The following PCCA variants were observed in gnomAD, a reference collection of about 807,000 sequenced individuals.
PCCA encodes propionyl-CoA carboxylase alpha chain, mitochondrial.
Under a neutral mutation model 101.3 loss-of-function variants are expected in PCCA, and 74 were observed. The observed-to-expected ratio is 0.73, with a 90% CI of 0.61 to 0.89. The LOEUF is 0.89. PCCA is among the 40% of genes least tolerant of loss of function. The pLI, the probability that PCCA is intolerant of heterozygous loss-of-function variation, is 0.00. For synonymous variants in PCCA, 294 were observed against 313.6 expected, an observed-to-expected ratio of 0.94 and a Z score of 0.66; for missense variants, 891 against 907.0, an observed-to-expected ratio of 0.98 and a Z score of 0.23.
intron 6 of PCCA, among the ~76,000 whole-genome samples, chr13:100,183,860 G>A (rs116871555): frequency 0.039 from 5,956 of 152,210 alleles, 151 homozygotes; most frequent in Non-Finnish European, 0.057. Flanking sequence ...ATGCTTCAGG[G>A]GAGCATTCTG....
chr13:100,293,379 G>C, intron 12 of PCCA: 2 of 277,358 alleles, frequency 7.2e-6, no homozygotes, highest in Non-Finnish European at 1.5e-5. Context: ...ACTTGATTTT[G>C]CCCTTTGCCA....
intron 1 of PCCA, 68 bp downstream of exon 1, chr13:100,089,293 C>T (rs1047403097): frequency 6.5e-5 from 88 of 1,353,158 alleles, no homozygotes; most frequent in East Asian, 1.2e-4. Context: ...CTCTGGGCGG[C>T]TGGCGCCGGG....
intron 12 of PCCA, among the ~76,000 whole-genome samples, chr13:100,277,213 A>G (rs569382092): frequency 6.6e-6 from 1 of 152,226 alleles, no homozygotes; most frequent in Non-Finnish European, 1.5e-5. Context: ...GGTGCCCACT[A>G]AAAGTGGGGG....
intron 21 of PCCA, among the ~76,000 whole-genome samples, chr13:100,462,324 G>A (rs752992794): frequency 6.6e-6 from 1 of 152,138 alleles, no homozygotes; most frequent in Non-Finnish European, 1.5e-5. Flanking sequence ...TATTAGTATT[G>A]CAGTGTGATG....
chr13:100,307,686 T>C (rs903004643), intron 15 of PCCA, among the ~76,000 whole-genome samples: 2 of 152,212 alleles, frequency 1.3e-5, no homozygotes, highest in African/African-American at 4.8e-5. Flanking sequence ...TTTTTACAAA[T>C]TACCAATTAT....
intron 4 of PCCA, among the ~76,000 whole-genome samples, chr13:100,127,294 TAAG>T (rs1428659602): frequency 5.9e-5 from 9 of 152,202 alleles, no homozygotes; most frequent in Admixed American, 2.6e-4. Flanking sequence ...TATAAAACGT[TAAG>T]GAGATGTCTT....
At chr13:100,439,350 A>T (rs1195893490) in intron 20 of PCCA, among the ~76,000 whole-genome samples, 1 of 152,130 alleles carries the variant, frequency 6.6e-6, no homozygotes, top group East Asian at 1.9e-4. Context: ...AAAAATTACA[A>T]CCATTTTTAA....
At chr13:100,281,904 T>A (rs1459423370) in intron 12 of PCCA, among the ~76,000 whole-genome samples, 1 of 152,244 alleles carries the variant, frequency 6.6e-6, no homozygotes, top group Non-Finnish European at 1.5e-5. Flanking sequence ...AGAAGTAGAA[T>A]TGCTGGGAAT....
At chr13:100,478,459 A>T (rs1328411305) in intron 21 of PCCA, among the ~76,000 whole-genome samples, 1 of 151,958 alleles carries the variant, frequency 6.6e-6, no homozygotes, top group Non-Finnish European at 1.5e-5. Flanking sequence ...GGGAGGCCCC[A>T]CCCCTTCCCT....
chr13:100,329,130 T>G (rs1321367464), intron 16 of PCCA, among the ~76,000 whole-genome samples: 1 of 152,098 alleles, frequency 6.6e-6, no homozygotes, highest in Non-Finnish European at 1.5e-5. Context: ...TGGAATACAT[T>G]CTTAAATAAA....
intron 7 of PCCA, among the ~76,000 whole-genome samples, chr13:100,233,138 C>T (rs2060591214): frequency 6.6e-6 from 1 of 152,028 alleles, no homozygotes; most frequent in Admixed American, 6.6e-5. Context: ...GGATGACTTC[C>T]CAGGAGTAAA....
intron 21 of PCCA, among the ~76,000 whole-genome samples, chr13:100,501,590 C>G (rs924347728): frequency 5.3e-5 from 8 of 152,036 alleles, no homozygotes; most frequent in African/African-American, 1.9e-4. Context: ...ATGCAGACCC[C>G]AGGCCCAGTG....
intron 18 of PCCA, among the ~76,000 whole-genome samples, chr13:100,358,811 A>G (rs1344871244): frequency 1.3e-5 from 2 of 152,186 alleles, no homozygotes; most frequent in Non-Finnish European, 2.9e-5. Flanking sequence ...GTGTGCATTA[A>G]ACATGCTGTT....
chr13:100,341,989 A>ATT (rs2071430679), intron 18 of PCCA, among the ~76,000 whole-genome samples: 1 of 102,056 alleles, frequency 9.8e-6, no homozygotes, highest in African/African-American at 3.4e-5. Flanking sequence ...ATATGTATTT[A>ATT]TGTGTGTGTA....
chr13:100,186,722 G>A (rs575318103), intron 6 of PCCA, among the ~76,000 whole-genome samples: 9 of 130,684 alleles, frequency 6.9e-5, no homozygotes, highest in Admixed American at 5.8e-4. Context: ...GCCTGGGTGA[G>A]AGTGAGATTC....
At chr13:100,349,631 A>G (rs1219554744) in intron 18 of PCCA, among the ~76,000 whole-genome samples, 1 of 152,246 alleles carries the variant, frequency 6.6e-6, no homozygotes, top group Non-Finnish European at 1.5e-5. Flanking sequence ...AAGACTCAGA[A>G]AAAGAAACAA....
chr13:100,442,903 C>T (rs183628595), intron 20 of PCCA, among the ~76,000 whole-genome samples: 92 of 152,088 alleles, frequency 6.0e-4, no homozygotes, highest in Non-Finnish European at 9.9e-4. Flanking sequence ...GGCTCTGAAA[C>T]GGGACAAGCT....
At chr13:100,318,894 CT>C (rs1256834402) in intron 16 of PCCA, among the ~76,000 whole-genome samples, 1 of 152,160 alleles carries the variant, frequency 6.6e-6, no homozygotes, top group African/African-American at 2.4e-5. Context: ...GTTCTAGATC[CT>C]TGAAGAATTG....
intron 21 of PCCA, among the ~76,000 whole-genome samples, chr13:100,492,357 A>T (rs924396119): frequency 2.6e-5 from 4 of 151,950 alleles, no homozygotes; most frequent in African/African-American, 9.7e-5. Flanking sequence ...GATGGTTTCG[A>T]TCTCCTGACC....
Sources: gnomAD v4.1 joint callset for allele counts (sites outside exome capture counted in the v4.1 genomes callset) on GRCh38, gnomAD v4.1.1 for gene constraint, MANE v1.5 for transcripts, NCBI Gene and HGNC (gene_info 2026-07-23, HGNC 2026-07-21) for gene names.